Variants in ZFHX3 observed in about 807,000 individuals in gnomAD.
ZFHX3 encodes the protein zinc finger homeobox 3, also known as zinc finger homeobox protein 3.
A neutral mutation model predicts 279.1 loss-of-function variants in ZFHX3; 42 were observed. The ratio of observed to expected loss-of-function variants is 0.15; its 90% CI spans 0.12 to 0.19. The LOEUF (loss-of-function observed/expected upper bound fraction) is 0.19. Ranked by LOEUF, ZFHX3 falls within the 10% of genes least tolerant of loss-of-function variation. ZFHX3 has a pLI of 1.00. For missense variants in ZFHX3, 4,981 were observed against 4,754.0 expected, an observed-to-expected ratio of 1.05 and a Z score of -1.40; for synonymous variants, 2,293 against 1,957.8, an observed-to-expected ratio of 1.17 and a Z score of -4.52.
rs1488677071 is a variant in ZFHX3 at position 72,883,563 on chromosome 16, T to C, written c.3448+6168A>G. On this transcript the variant is annotated intron_variant, in intron 4 of 9. Coordinates refer to ENST00000268489, the MANE Select transcript of ZFHX3 (RefSeq NM_006885.4). ...TAAGAAAAATACTTACAAAAAGGAA[T>C]CAACCTATGTTATCCTGTAAACTCC... Among the ~76,000 whole-genome samples the C allele has an allele frequency of 5.9e-5, 9 of 152,210 alleles. 1 individual carries two copies. Among genetic ancestry groups the C allele is most frequent in the Admixed American group, 2.6e-4 (4 of 15,284 alleles).
chr16:73,694,040 T>A (rs965709131), intron 1 of ZFHX3, among the ~76,000 whole-genome samples: 46 of 108,452 alleles, frequency 4.2e-4, no homozygotes, highest in African/African-American at 1.3e-3. Context: ...AAAAAAAAAA[T>A]TGCTAGGCAC....
intron 1 of ZFHX3, among the ~76,000 whole-genome samples, chr16:73,731,856 C>T (rs1037645326): frequency 2.0e-4 from 31 of 152,128 alleles, no homozygotes; most frequent in Non-Finnish European, 4.0e-4. Context: ...GTGTTAAAGA[C>T]ACACGTTTTG....
At chr16:73,391,853 C>T (rs900612248) in intron 3 of ZFHX3, among the ~76,000 whole-genome samples, 18 of 152,042 alleles carry the variant, frequency 1.2e-4, no homozygotes, top group East Asian at 3.9e-4. Flanking sequence ...TGCACACAAC[C>T]GGGGAAGACT....
In ZFHX3 at chr16:73,002,021, C is replaced by CA. The variant is rs1170326556; in HGVS notation, c.-49-41828dup. ...TCTCCATCCTCACAGATGACAGAGA[C>CA]ACCTAACAGTCATGCCCCCAAATAA... On this transcript the variant is annotated intron_variant, in intron 1 of 9. Coordinates refer to ENST00000268489, the MANE Select transcript of ZFHX3 (RefSeq NM_006885.4). Among the ~76,000 whole-genome samples the CA allele has an allele frequency of 9.9e-5, 15 of 152,206 alleles. No individual in the cohort carries two copies. The East Asian group carries it at 1.9e-3, about 20-fold the overall frequency.
intron 4 of ZFHX3, among the ~76,000 whole-genome samples, chr16:72,866,768 G>T (rs980552244): frequency 6.6e-6 from 1 of 152,114 alleles, no homozygotes; most frequent in Non-Finnish European, 1.5e-5. Context: ...CAAAGCCATG[G>T]CACCTCTTTG....
At chr16:73,006,367 A>T (rs1963701229) in intron 1 of ZFHX3, among the ~76,000 whole-genome samples, 1 of 152,194 alleles carries the variant, frequency 6.6e-6, no homozygotes, top group African/African-American at 2.4e-5. Flanking sequence ...TCAAGCCTAT[A>T]ATCCCAGAAT....
rs201057960 is a variant in ZFHX3 at position 72,889,916 on chromosome 16, T to A, written c.3263A>T (p.Tyr1088Phe). The A allele has an allele frequency of 6.2e-7, 1 of 1,614,114 alleles. No homozygotes were observed. Among genetic ancestry groups the A allele is most frequent in the South Asian group, 1.1e-5 (1 of 91,064 alleles). The change falls in exon 4 of 10, where the codon TAC (tyrosine) becomes TTC (phenylalanine). Residue 1088 changes from tyrosine (Y) to phenylalanine (F), a missense_variant. Tyr to Phe is a conservative substitution (Grantham distance 22, BLOSUM62 3). This residue lies in a region of ZFHX3 where 1,751 missense variants were observed against 1,770.0 expected (regional missense o/e 0.99). Coordinates refer to ENST00000268489, the MANE Select transcript of ZFHX3 (RefSeq NM_006885.4). ...ESGVEGESCY[Y>F]HCVLCNYSTK... ...GGAGTAGTTGCACAGAACGCAGTGG[T>A]AGTAGCAGCTCTCACCTTCTACACC...
Position 72,796,176 on chromosome 16 carries a change from G to T in ZFHX3, c.6506C>A (p.Ser2169Tyr), listed in dbSNP as rs1276313296. 1.9e-6 allele frequency: 3 copies of T among 1,614,098 alleles called. No individual in the cohort carries two copies. Among genetic ancestry groups the T allele is most frequent in the Non-Finnish European group, 2.5e-6 (3 of 1,180,028 alleles). The change falls in exon 9 of 10, where the codon TCC becomes TAC. Residue 2169 changes from serine (S) to tyrosine (Y), a missense_variant. Coordinates refer to ENST00000268489, the MANE Select transcript of ZFHX3 (RefSeq NM_006885.4). ...VLRQYFDINNSPSEEQIKEMA... is the reference protein window; with the variant it reads ...VLRQYFDINNYPSEEQIKEMA... ...CTCTTTTATTTGCTCTTCACTGGGG[G>T]AGTTGTTAATGTCAAAATATTGCCG...
Position 72,959,224 on chromosome 16 carries a change from T to C in ZFHX3, c.922A>G (p.Thr308Ala). ...VTHAVHDHRM[T>A]LSEDERKILS... ...ATTTTCCGCTCGTCTTCGCTCAGGG[T>C]CATTCGATGGTCATGCACCGCGTGG... The change falls in exon 2 of 10, where the codon ACC becomes GCC. Residue 308 changes from threonine to alanine, a missense_variant. Transcript: ENST00000268489. 1.2e-6 allele frequency: 2 copies of C among 1,614,158 alleles called. No homozygotes were observed. The highest frequency in any genetic ancestry group is 1.7e-6 in the Non-Finnish European group (2 of 1,180,036).
chr16:73,617,259 G>A (rs1257579007), intron 2 of ZFHX3, among the ~76,000 whole-genome samples: 1 of 152,166 alleles, frequency 6.6e-6, no homozygotes, highest in Non-Finnish European at 1.5e-5. Flanking sequence ...TGCAGACCAC[G>A]CGGTGGCTGA....
intron 4 of ZFHX3, among the ~76,000 whole-genome samples, chr16:72,862,760 C>G (rs2037917645): frequency 6.6e-6 from 1 of 151,982 alleles, no homozygotes. Flanking sequence ...CTATAATCAT[C>G]AAAACATCCA....
intron 1 of ZFHX3, among the ~76,000 whole-genome samples, chr16:73,836,650 C>T (rs1351218474): frequency 6.6e-6 from 1 of 152,224 alleles, no homozygotes; most frequent in Non-Finnish European, 1.5e-5. Context: ...CACATCCAAG[C>T]ATTCATGGCT....
chr16:73,521,281 TA>T (rs1365887521), intron 2 of ZFHX3, among the ~76,000 whole-genome samples: 1 of 152,172 alleles, frequency 6.6e-6, no homozygotes, highest in Non-Finnish European at 1.5e-5. Context: ...CAGACAATCA[TA>T]TCTACCTTAA....
At chr16:73,636,328 C>T (rs1050005071) in intron 2 of ZFHX3, among the ~76,000 whole-genome samples, 1 of 152,060 alleles carries the variant, frequency 6.6e-6, no homozygotes, top group Admixed American at 6.6e-5. Context: ...TGATGAAACC[C>T]TGGCAACAAA....
At chr16:72,991,273 T>C (rs1390150077) in intron 1 of ZFHX3, among the ~76,000 whole-genome samples, 5 of 152,216 alleles carry the variant, frequency 3.3e-5, no homozygotes, top group Non-Finnish European at 7.3e-5. Context: ...ATAAATTAAA[T>C]TTTATCATAG....
At chr16:73,792,892 A>T (rs926230529) in intron 1 of ZFHX3, among the ~76,000 whole-genome samples, 1 of 144,940 alleles carries the variant, frequency 6.9e-6, no homozygotes, top group African/African-American at 2.6e-5. Context: ...AACAAAGCCA[A>T]AACAGATGTA....
At chr16:73,197,924 G>GTTT (rs71156148) in intron 5 of ZFHX3, among the ~76,000 whole-genome samples, 3,007 of 53,930 alleles carry the variant, frequency 0.056, 602 homozygotes, top group East Asian at 0.11. Flanking sequence ...TGATTTGGTG[G>GTTT]TTTTTTTTTT....
Position 72,797,927 on chromosome 16 carries a change from T to C in ZFHX3, c.4755A>G (p.Pro1585=). 1 of 1,614,250 alleles carries C rather than the reference T, an allele frequency of 6.2e-7. No individual in the cohort carries two copies. Among genetic ancestry groups the C allele is most frequent in the Non-Finnish European group, 8.5e-7 (1 of 1,180,038 alleles). Residue 1585 remains proline (P), a synonymous_variant, in exon 9 of 10, where the codon CCA becomes CCG. Coordinates refer to ENST00000268489, the MANE Select transcript of ZFHX3 (RefSeq NM_006885.4). ...RALQESATGQ[P]EPTSSPDNKP... Reference sequence around the variant, plus strand: ...TGTTGTCTGGGCTGCTGGTGGGTTCTGGCTGACCGGTTGCTGATTCTTGAA... The same window carrying C: ...TGTTGTCTGGGCTGCTGGTGGGTTCCGGCTGACCGGTTGCTGATTCTTGAA...
intron 2 of ZFHX3, among the ~76,000 whole-genome samples, chr16:73,559,946 C>G (rs921818138): frequency 2.6e-5 from 4 of 152,132 alleles, no homozygotes; most frequent in Non-Finnish European, 5.9e-5. Context: ...TTTTATAAGA[C>G]AAATATTATC....
Sources: allele counts gnomAD v4.1 joint callset (sites outside exome capture counted in the v4.1 genomes callset), GRCh38; gene constraint gnomAD v4.1.1; regional missense constraint gnomAD v4.1.1; transcripts MANE v1.5; gene names NCBI Gene and HGNC (gene_info 2026-07-23, HGNC 2026-07-21).